The following MYPOP variants were observed in gnomAD, a reference collection of about 807,000 sequenced individuals.
MYPOP encodes myb-related transcription factor, partner of profilin.
Under a neutral mutation model 25.7 loss-of-function variants are expected in MYPOP, and 21 were observed. The ratio of observed to expected loss-of-function variants is 0.82; its 90% CI spans 0.58 to 1.18. MYPOP has a LOEUF of 1.18. Ranked by LOEUF, MYPOP falls within the 50% of genes most tolerant of loss-of-function variation. The probability of loss-of-function intolerance (pLI) is 0.00; values close to 1 mark genes in which losing one functional copy is unlikely to be tolerated. For missense variants in MYPOP, 566 were observed against 588.3 expected, an observed-to-expected ratio of 0.96 and a Z score of 0.39; for synonymous variants, 280 against 247.9, an observed-to-expected ratio of 1.13 and a Z score of -1.22.
intron 2 of MYPOP, among the ~76,000 whole-genome samples, chr19:45,898,724 C>A (rs1170414439): frequency 6.6e-6 from 1 of 152,104 alleles, no homozygotes; most frequent in Admixed American, 6.6e-5. Flanking sequence ...GCCCTTCTCC[C>A]AGATGTCTGT....
Position 45,898,084 on chromosome 19 carries a change from C to G in MYPOP, c.499+3191G>C, listed in dbSNP as rs1967232343. On this transcript the variant is annotated intron_variant, in intron 2 of 2. Transcript: ENST00000322217. ...GACTACAGGCGTGTGCCACCACGTC[C>G]AGCTAATTTTTGTATTTTTTAGTAG... 3.3e-5 allele frequency among the ~76,000 whole-genome samples: 5 copies of G among 151,640 alleles called. No homozygotes were observed. In the South Asian group the frequency reaches 1.0e-3, roughly 32 times the overall value.
In MYPOP at chr19:45,901,802, T is replaced by A; in HGVS notation, c.-29A>T. 7.3e-7 allele frequency: 1 copy of A among 1,369,206 alleles called. No homozygotes were observed. The highest frequency in any genetic ancestry group is 3.1e-5 in the East Asian group (1 of 32,704). 84.8% of individuals were successfully genotyped at this position (1,369,206 alleles called of 1,614,324 possible). ...GCCCCCCGACGCCGCCGTCCTGCCG[T>A]CTGGCGCATGGGGGGCGCCGGCGCT... On this transcript the variant is annotated 5_prime_UTR_variant, in exon 2 of 3. Transcript: ENST00000322217. This position sits in a 1 kb window ranked among gnomAD's most constrained non-coding sequence, Gnocchi z 5.7.
chr19:45,891,510 C>T (rs979942737), intron 2 of MYPOP, among the ~76,000 whole-genome samples, 187 bp from the exon 3 acceptor site: 1 of 151,228 alleles, frequency 6.6e-6, no homozygotes, highest in African/African-American at 2.4e-5. Context: ...AATCTTGGCT[C>T]ACTGCACCTT....
At position 45,901,702 on chromosome 19, in the gene MYPOP, C is replaced by T. The variant is rs1487658113; in HGVS notation, c.72G>A (p.Glu24=). Residue 24 remains glutamate, a synonymous_variant, in exon 2 of 3, where the codon GAG becomes GAA. Coordinates refer to ENST00000322217, the MANE Select transcript of MYPOP (RefSeq NM_001012643.4). This position sits in a 1 kb window ranked among gnomAD's most constrained non-coding sequence, Gnocchi z 5.7. ...GCACCTCGCGGATCAGGATCTGGTTCTCTTCGAATGAGAAGCGCGGCTTGC... is the reference window on the plus strand; with the variant it reads ...GCACCTCGCGGATCAGGATCTGGTTTTCTTCGAATGAGAAGCGCGGCTTGC... ...RLRKPRFSFE[E]NQILIREVRA... 5 of 1,598,920 alleles carry T rather than the reference C, an allele frequency of 3.1e-6. No individual in the cohort carries two copies. In the African/African-American group the frequency reaches 4.1e-5, roughly 13 times the overall value.
At chr19:45,902,224 G>A (rs1397719851) in intron 1 of MYPOP, among the ~76,000 whole-genome samples, 1 of 120,876 alleles carries the variant, frequency 8.3e-6, no homozygotes, top group African/African-American at 3.1e-5. Context: ...GATGCGGAAG[G>A]GGGGATGCAG....
At chr19:45,897,968 G>C (rs1967230210) in intron 2 of MYPOP, among the ~76,000 whole-genome samples, 1 of 150,564 alleles carries the variant, frequency 6.6e-6, no homozygotes, top group Admixed American at 6.6e-5. Context: ...CTGTCACCCA[G>C]GCTGGAGTGC....
chr19:45,891,157 GGGT>G lies in MYPOP; in HGVS notation c.663_665del (p.Pro223del). On this transcript the variant is annotated inframe_deletion, in exon 3 of 3. Transcript: ENST00000322217. ...GTGGGGGTGGCAGTGGAGGGGCTGGGGGTGGTGGAGACAAGGCCAGGCGAGGCA... is the reference window on the plus strand; with the variant it reads ...GTGGGGGTGGCAGTGGAGGGGCTGGGGGTGGAGACAAGGCCAGGCGAGGCA... 8 of 1,515,900 alleles carry G rather than the reference GGGT, an allele frequency of 5.3e-6. No individual in the cohort carries two copies. Among genetic ancestry groups the G allele is most frequent in the Non-Finnish European group, 6.2e-6 (7 of 1,135,478 alleles). 93.9% of individuals were successfully genotyped at this position (1,515,900 alleles called of 1,614,324 possible). A position where few individuals can be genotyped will look rare whatever the true frequency, so the allele number is the denominator to read the frequency against.
At chr19:45,896,802 T>G (rs889927200) in intron 2 of MYPOP, among the ~76,000 whole-genome samples, 1 of 151,628 alleles carries the variant, frequency 6.6e-6, no homozygotes, top group Non-Finnish European at 1.5e-5. Context: ...ATTTTTTGTA[T>G]TTTTAGTAGA....
At chr19:45,894,655 G>A (rs1600567219) in intron 2 of MYPOP, among the ~76,000 whole-genome samples, 1 of 151,810 alleles carries the variant, frequency 6.6e-6, no homozygotes, top group African/African-American at 2.4e-5. Flanking sequence ...CAAGCAAATC[G>A]TACACTTTGA....
At chr19:45,895,883 C>T (rs1967196814) in intron 2 of MYPOP, among the ~76,000 whole-genome samples, 1 of 152,102 alleles carries the variant, frequency 6.6e-6, no homozygotes, top group Non-Finnish European at 1.5e-5. Context: ...GTTCCTTCCT[C>T]GGGGAAGCTG....
chr19:45,893,556 G>A (rs1391801314), intron 2 of MYPOP, among the ~76,000 whole-genome samples: 2 of 112,178 alleles, frequency 1.8e-5, no homozygotes, highest in African/African-American at 3.5e-5. Flanking sequence ...CAACAAGAGC[G>A]AAACTCCGTC....
chr19:45,902,111 G>A (rs995780139), intron 1 of MYPOP, among the ~76,000 whole-genome samples: 7 of 150,188 alleles, frequency 4.7e-5, no homozygotes, highest in Non-Finnish European at 8.9e-5. Flanking sequence ...AGTGCGAGGA[G>A]AGGAGGTGTC....
intron 2 of MYPOP, 81 bp from the exon 3 acceptor site, chr19:45,891,404 C>T (rs2146374632): frequency 1.4e-6 from 2 of 1,392,864 alleles, no homozygotes; most frequent in South Asian, 3.2e-5. Context: ...CTTCCCTCAC[C>T]TCCCCCCTAC....
chr19:45,897,426 C>A (rs1967221960), intron 2 of MYPOP, among the ~76,000 whole-genome samples: 1 of 152,126 alleles, frequency 6.6e-6, no homozygotes, highest in Admixed American at 6.6e-5. Flanking sequence ...AGTGACAAAT[C>A]TTCCTTATAA....
intron 2 of MYPOP, among the ~76,000 whole-genome samples, chr19:45,896,091 G>A (rs1264312524): frequency 6.6e-6 from 1 of 152,106 alleles, no homozygotes; most frequent in Non-Finnish European, 1.5e-5. Flanking sequence ...AGGAGTTTGA[G>A]ACCAGCCTGG....
At position 45,891,991 on chromosome 19, in the gene MYPOP, C is replaced by A. The variant is rs1028260515; in HGVS notation, c.500-668G>T. ...CTGGAGTGCAGTGGCGTGATCTCGG[C>A]TCACTGCAACCTCTGTCTTCCGGCT... On this transcript the variant is annotated intron_variant, in intron 2 of 2. Coordinates refer to ENST00000322217, the MANE Select transcript of MYPOP (RefSeq NM_001012643.4). Among the ~76,000 whole-genome samples, 7 of 152,192 alleles carry A rather than the reference C, an allele frequency of 4.6e-5. 1 individual carries two copies. The highest frequency in any genetic ancestry group is 4.1e-4 in the South Asian group (2 of 4,822).
chr19:45,899,428 A>G (rs1039334008), intron 2 of MYPOP, among the ~76,000 whole-genome samples: 2 of 152,140 alleles, frequency 1.3e-5, no homozygotes, highest in Non-Finnish European at 2.9e-5. Context: ...CTCTGGTCCT[A>G]TGGGGCCATC....
Position 45,891,275 on chromosome 19 carries a change from G to A in MYPOP, c.548C>T (p.Ala183Val), listed in dbSNP as rs201707738. The change falls in exon 3 of 3, where the codon GCC (alanine) becomes GTC (valine). Residue 183 changes from alanine to valine, a missense_variant. Coordinates refer to ENST00000322217, the MANE Select transcript of MYPOP (RefSeq NM_001012643.4). ...TTCCTGGGGAGTGCAGGAGGGCCGG[G>A]CCCATGGCTCCGGGCTGCTGGAGCC... The part of the protein sequence containing the change: ...KAGSSSPEPW[A>V]RPSCTPQEGG... The A allele has an allele frequency of 6.4e-6, 10 of 1,551,302 alleles. No individual in the cohort carries two copies. Among genetic ancestry groups the A allele is most frequent in the South Asian group, 1.2e-5 (1 of 83,970 alleles).
chr19:45,895,424 G>A (rs1427619599), intron 2 of MYPOP, among the ~76,000 whole-genome samples: 1 of 151,978 alleles, frequency 6.6e-6, no homozygotes, highest in Admixed American at 6.6e-5. Context: ...GCTAATTTTT[G>A]TTTTGTTTTT....
Sources: allele counts gnomAD v4.1 joint callset (sites outside exome capture counted in the v4.1 genomes callset), GRCh38; gene constraint gnomAD v4.1.1; non-coding constraint Gnocchi (gnomAD v3.1); transcripts MANE v1.5; gene names NCBI Gene and HGNC (gene_info 2026-07-23, HGNC 2026-07-21).